The following GFRA1 variants were observed in gnomAD, a reference collection of about 807,000 sequenced individuals.
The protein encoded by GFRA1 is GDNF family receptor alpha-1.
Under a neutral mutation model 51.6 loss-of-function variants are expected in GFRA1, and 16 were observed. That is an observed-to-expected ratio of 0.31 (90% CI 0.21 to 0.47). The LOEUF (loss-of-function observed/expected upper bound fraction) is 0.47. Among genes scored for constraint, GFRA1 ranks in the 20% least tolerant of loss-of-function variants. The pLI, the probability that GFRA1 is intolerant of heterozygous loss-of-function variation, is 1.00. For missense variants in GFRA1, 530 were observed against 594.3 expected (o/e 0.89, Z 1.13); for synonymous variants, 270 against 241.3 (o/e 1.12, Z -1.10).
At chr10:116,167,055 T>C (rs1343451095) in intron 5 of GFRA1, among the ~76,000 whole-genome samples, 2 of 152,004 alleles carry the variant, frequency 1.3e-5, no homozygotes, top group African/African-American at 4.8e-5. Context: ...CGTCTCGGCC[T>C]CCCAAAGTGC....
intron 4 of GFRA1, among the ~76,000 whole-genome samples, chr10:116,242,195 A>T (rs1967444990): frequency 6.6e-6 from 1 of 152,214 alleles, no homozygotes; most frequent in African/African-American, 2.4e-5. Context: ...TGCGTTGGCA[A>T]TTGAAAGCAC....
chr10:116,182,491 C>A (rs1321762031), intron 5 of GFRA1, among the ~76,000 whole-genome samples: 5 of 152,194 alleles, frequency 3.3e-5, no homozygotes, highest in South Asian at 2.1e-4. Flanking sequence ...ATGAGCAGAT[C>A]TGGAGAGCCC....
At chr10:116,183,579 G>C (rs895244922) in intron 5 of GFRA1, among the ~76,000 whole-genome samples, 1 of 152,192 alleles carries the variant, frequency 6.6e-6, no homozygotes, top group Non-Finnish European at 1.5e-5. Context: ...CCAAGGCATG[G>C]CACAGGGAGG....
intron 5 of GFRA1, among the ~76,000 whole-genome samples, chr10:116,125,989 TA>T (rs1358895152): frequency 6.6e-6 from 1 of 152,222 alleles, no homozygotes; most frequent in Non-Finnish European, 1.5e-5. Context: ...AATTATGTAA[TA>T]AATGCATATA....
rs1954595577 is a variant in GFRA1 at position 116,057,440 on chromosome 10, CAG to C, written c.*6956_*6957del. 1 of 152,132 alleles carries C rather than the reference CAG, an allele frequency of 6.6e-6. No homozygotes were observed. Among genetic ancestry groups the C allele is most frequent in the African/African-American group, 2.4e-5 (1 of 41,424 alleles). 9.4% of individuals were successfully genotyped at this position (152,132 alleles called of 1,614,324 possible). A position where few individuals can be genotyped will look rare whatever the true frequency, so the allele number is the denominator to read the frequency against. Reference sequence around the variant, plus strand: ...TACCGTGCTATAAACCTGCATGAAACAGAACGAACATAAGCTGAAACACACCC... The same window carrying C: ...TACCGTGCTATAAACCTGCATGAAACAACGAACATAAGCTGAAACACACCC... On this transcript the variant is annotated 3_prime_UTR_variant, in exon 11 of 11. Coordinates refer to ENST00000355422, the MANE Select transcript of GFRA1 (RefSeq NM_005264.8).
chr10:116,133,969 A>T (rs1444851603), intron 5 of GFRA1, among the ~76,000 whole-genome samples: 1 of 152,218 alleles, frequency 6.6e-6, no homozygotes, highest in Non-Finnish European at 1.5e-5. Context: ...AGCAGCCCTG[A>T]TTATTTACAC....
intron 5 of GFRA1, among the ~76,000 whole-genome samples, chr10:116,183,127 T>C (rs1962390830): frequency 6.6e-6 from 1 of 152,246 alleles, no homozygotes; most frequent in Admixed American, 6.5e-5. Flanking sequence ...AGGGAACAAG[T>C]ACAGCAAGTG....
chr10:116,148,082 G>GTGCATGCA (rs143749017), intron 5 of GFRA1, among the ~76,000 whole-genome samples: 5 of 129,376 alleles, frequency 3.9e-5, no homozygotes, highest in Non-Finnish European at 8.4e-5. Context: ...GTGCATGTGT[G>GTGCATGCA]TGTGTGCATG....
chr10:116,267,769 T>C (rs1445061285), intron 4 of GFRA1, among the ~76,000 whole-genome samples: 1 of 152,196 alleles, frequency 6.6e-6, no homozygotes, highest in Admixed American at 6.5e-5. Context: ...TACGTTTGTC[T>C]GTACCTCTCC....
At chr10:116,205,626 T>TATATATATATA (rs1964688443) in intron 5 of GFRA1, among the ~76,000 whole-genome samples, 1 of 137,244 alleles carries the variant, frequency 7.3e-6, no homozygotes, top group African/African-American at 2.7e-5. Flanking sequence ...TATATATATA[T>TATATATATATA]TCTTTAAAAG....
At chr10:116,106,966 G>A (rs752354352) in intron 6 of GFRA1, among the ~76,000 whole-genome samples, 11 of 152,150 alleles carry the variant, frequency 7.2e-5, no homozygotes, top group Admixed American at 2.0e-4. Flanking sequence ...ACCGGCAATC[G>A]CTTTGCCTAC....
chr10:116,139,138 G>A (rs543372351), intron 5 of GFRA1, among the ~76,000 whole-genome samples: 2 of 152,348 alleles, frequency 1.3e-5, no homozygotes, highest in African/African-American at 4.8e-5. Context: ...GCAGGTAGAA[G>A]CAGGTGAGTA....
intron 9 of GFRA1, among the ~76,000 whole-genome samples, chr10:116,087,511 G>A (rs1412711478): frequency 6.6e-6 from 1 of 152,190 alleles, no homozygotes; most frequent in Non-Finnish European, 1.5e-5. Context: ...ACAGAGAAGG[G>A]ACTTAATAAA....
chr10:116,148,168 C>T (rs1589825331), intron 5 of GFRA1, among the ~76,000 whole-genome samples: 2 of 150,502 alleles, frequency 1.3e-5, no homozygotes, highest in African/African-American at 2.5e-5. Context: ...TGCCTTTTGT[C>T]TTCCGGTTTC....
At chr10:116,090,562 T>C (rs1023829245) in intron 8 of GFRA1, among the ~76,000 whole-genome samples, 1 of 152,020 alleles carries the variant, frequency 6.6e-6, no homozygotes, top group Non-Finnish European at 1.5e-5. Context: ...GGAGCAGCCC[T>C]GCTTAAATGA....
At chr10:116,174,586 C>G (rs761938360) in intron 5 of GFRA1, among the ~76,000 whole-genome samples, 21 of 152,140 alleles carry the variant, frequency 1.4e-4, no homozygotes, top group Non-Finnish European at 3.1e-4. Flanking sequence ...AATAGGCTTC[C>G]ATTTAAGAAG....
In GFRA1 at chr10:116,058,787, T is replaced by A. The variant is rs1229166669; in HGVS notation, c.*5611A>T. 6.6e-6 allele frequency: 1 copy of A among 152,212 alleles called. No homozygotes were observed. Among genetic ancestry groups the A allele is most frequent in the East Asian group, 1.9e-4 (1 of 5,176 alleles). The allele number at this position is 152,212 out of a possible 1,614,324, so 9.4% of individuals were successfully genotyped here. A position where few individuals can be genotyped will look rare whatever the true frequency, so the allele number is the denominator to read the frequency against. On this transcript the variant is annotated 3_prime_UTR_variant, in exon 11 of 11. Transcript: ENST00000355422. ...ACGTGCTGACTTGGTAAGCATTTGATGTTGCTTCTCAGGATACTGATGGAG... is the reference window on the plus strand; with the variant it reads ...ACGTGCTGACTTGGTAAGCATTTGAAGTTGCTTCTCAGGATACTGATGGAG...
At chr10:116,088,907 C>T (rs191223715) in intron 9 of GFRA1, among the ~76,000 whole-genome samples, 2,502 of 108,598 alleles carry the variant, frequency 0.023, 40 homozygotes, top group Non-Finnish European at 0.028. Context: ...GGTGACACAG[C>T]GAGACTCTGT....
chr10:116,271,203 G>A, intron 2 of GFRA1, 88 bp from the exon 3 acceptor site: 1 of 1,197,764 alleles, frequency 8.3e-7, no homozygotes, highest in Non-Finnish European at 1.2e-6. Context: ...CCCGGGTCAG[G>A]GATGCTTGAC....
Sources: gnomAD v4.1 joint callset for allele counts (sites outside exome capture counted in the v4.1 genomes callset) on GRCh38, gnomAD v4.1.1 for gene constraint, MANE v1.5 for transcripts, NCBI Gene and HGNC (gene_info 2026-07-23, HGNC 2026-07-21) for gene names.